The following TNR variants were observed in gnomAD, a reference collection of about 807,000 sequenced individuals.
TNR encodes the protein tenascin-R.
A neutral mutation model predicts 150.4 loss-of-function variants in TNR; 45 were observed. That is an observed-to-expected ratio of 0.30 (90% confidence interval 0.24 to 0.38). The LOEUF is 0.38. Ranked by LOEUF, TNR falls within the 10% of genes least tolerant of loss-of-function variation. The pLI, the probability that TNR is intolerant of heterozygous loss-of-function variation, is 1.00. For missense variants in TNR, 1,544 were observed against 1,759.1 expected (o/e 0.88, Z 2.19); for synonymous variants, 687 against 678.4 (o/e 1.01, Z -0.20).
chr1:175,539,222 A>T (rs1006349495), intron 1 of TNR: 10 of 152,250 alleles, frequency 6.6e-5, no homozygotes, highest in Non-Finnish European at 2.9e-5. Context: ...AGAAAAAAGA[A>T]ACAAACAGTA....
intron 1 of TNR, among the ~76,000 whole-genome samples, chr1:175,623,026 TA>T (rs1664031188): frequency 6.6e-6 from 1 of 152,210 alleles, no homozygotes; most frequent in Non-Finnish European, 1.5e-5. Context: ...TATTTCCAAA[TA>T]AGGTTACATT....
intron 1 of TNR, among the ~76,000 whole-genome samples, chr1:175,684,622 G>A (rs2101912979): frequency 6.6e-6 from 1 of 152,234 alleles, no homozygotes; most frequent in Admixed American, 6.5e-5. Flanking sequence ...ACACCACCCT[G>A]CCACAATCCA....
intron 1 of TNR, among the ~76,000 whole-genome samples, chr1:175,554,176 G>C (rs1006769269): frequency 2.0e-5 from 3 of 152,014 alleles, no homozygotes; most frequent in African/African-American, 7.3e-5. Context: ...GCTCTGCATT[G>C]CCAGACAAAA....
At chr1:175,582,610 T>A (rs1662398811) in intron 1 of TNR, among the ~76,000 whole-genome samples, 1 of 152,170 alleles carries the variant, frequency 6.6e-6, no homozygotes, top group South Asian at 2.1e-4. Flanking sequence ...CTCCACATAG[T>A]GAGCCAAGAG....
At chr1:175,734,184 G>A (rs1667715307) in intron 1 of TNR, among the ~76,000 whole-genome samples, 1 of 152,164 alleles carries the variant, frequency 6.6e-6, no homozygotes, top group Non-Finnish European at 1.5e-5. Flanking sequence ...ATAGATGAGG[G>A]CAACCTTGTG....
At chr1:175,392,116 G>A (rs1468018703) in intron 6 of TNR, among the ~76,000 whole-genome samples, 2 of 152,118 alleles carry the variant, frequency 1.3e-5, no homozygotes, top group Admixed American at 1.3e-4. Context: ...AGAAGAAGGA[G>A]ACAAGAGGGA....
intron 2 of TNR, among the ~76,000 whole-genome samples, chr1:175,472,282 C>T (rs1020023662): frequency 2.0e-5 from 3 of 152,136 alleles, no homozygotes; most frequent in African/African-American, 7.2e-5. Context: ...GAGTTGTCAA[C>T]CCCTGTGATA....
At chr1:175,716,947 T>TA (rs1667169870) in intron 1 of TNR, among the ~76,000 whole-genome samples, 1 of 152,208 alleles carries the variant, frequency 6.6e-6, no homozygotes, top group African/African-American at 2.4e-5. Context: ...CCTTCCAAGC[T>TA]GAGCCCAATT....
chr1:175,681,499 G>GC (rs1348059615), intron 1 of TNR, among the ~76,000 whole-genome samples: 3 of 152,176 alleles, frequency 2.0e-5, no homozygotes, highest in African/African-American at 7.2e-5. Flanking sequence ...GGGAGGTGCT[G>GC]CGACTTGCCC....
In TNR at chr1:175,553,380, A is replaced by T. The variant is rs188476276; in HGVS notation, c.-164-25011T>A. Among the ~76,000 whole-genome samples, 504 of 152,280 alleles carry T rather than the reference A, an allele frequency of 3.3e-3. 2 individuals carry two copies. The highest frequency in any genetic ancestry group is 5.3e-3 in the Non-Finnish European group (358 of 68,020). Reference sequence around the variant, plus strand: ...AGACAGGATCACAGCATCCAGTGTTATGGCTGCAGGCATAATTCCAACATC... The same window carrying T: ...AGACAGGATCACAGCATCCAGTGTTTTGGCTGCAGGCATAATTCCAACATC... On this transcript the variant is annotated intron_variant, in intron 1 of 22. Transcript: ENST00000367674.
At chr1:175,341,305 G>C (rs1050835913) in intron 18 of TNR, among the ~76,000 whole-genome samples, 1 of 152,124 alleles carries the variant, frequency 6.6e-6, no homozygotes, top group Non-Finnish European at 1.5e-5. Flanking sequence ...CTTCCTTTTG[G>C]TGCAATAACT....
chr1:175,730,549 G>T (rs1204834836), intron 1 of TNR, among the ~76,000 whole-genome samples: 1 of 152,106 alleles, frequency 6.6e-6, no homozygotes, highest in Non-Finnish European at 1.5e-5. Flanking sequence ...TTGAAATAGA[G>T]AACACTGGAT....
At chr1:175,362,510 A>G (rs183641896) in intron 14 of TNR, among the ~76,000 whole-genome samples, 153 bp downstream of exon 14, 5 of 152,186 alleles carry the variant, frequency 3.3e-5, no homozygotes, top group African/African-American at 1.2e-4. Context: ...ATATTGGGGG[A>G]GAGAAATTGC....
At chr1:175,542,899 T>C (rs1232418540) in intron 1 of TNR, among the ~76,000 whole-genome samples, 8 of 152,214 alleles carry the variant, frequency 5.3e-5, no homozygotes, top group African/African-American at 1.7e-4. Context: ...TCCTGAAGCA[T>C]TGATATATTT....
At chr1:175,627,386 T>A (rs1414416033) in intron 1 of TNR, among the ~76,000 whole-genome samples, 2 of 152,204 alleles carry the variant, frequency 1.3e-5, no homozygotes, top group Non-Finnish European at 2.9e-5. Flanking sequence ...CTCACAGCAT[T>A]GGTGTAAACA....
At chr1:175,581,446 G>A (rs923511823) in intron 1 of TNR, among the ~76,000 whole-genome samples, 18 of 152,312 alleles carry the variant, frequency 1.2e-4, no homozygotes, top group Admixed American at 1.1e-3. Context: ...CAGATGGATT[G>A]GAGTTTCTTG....
At chr1:175,433,163 C>T (rs1655349792) in intron 2 of TNR, among the ~76,000 whole-genome samples, 1 of 152,112 alleles carries the variant, frequency 6.6e-6, no homozygotes, top group African/African-American at 2.4e-5. Flanking sequence ...CACTATGTGT[C>T]CACAATACTA....
intron 2 of TNR, among the ~76,000 whole-genome samples, chr1:175,470,480 A>G (rs1249645843): frequency 6.6e-6 from 1 of 152,106 alleles, no homozygotes; most frequent in Non-Finnish European, 1.5e-5. Flanking sequence ...CCCTCCCTTT[A>G]TGTTATTTTA....
chr1:175,451,845 A>G (rs1392876692), intron 2 of TNR, among the ~76,000 whole-genome samples: 1 of 152,170 alleles, frequency 6.6e-6, no homozygotes, highest in Non-Finnish European at 1.5e-5. Context: ...TATATGTTAT[A>G]TGGTTCAGTG....
Sources: allele counts gnomAD v4.1 joint callset (sites outside exome capture counted in the v4.1 genomes callset), GRCh38; gene constraint gnomAD v4.1.1; transcripts MANE v1.5; gene names NCBI Gene and HGNC (gene_info 2026-07-23, HGNC 2026-07-21).